The following GPM6A variants were observed in gnomAD, a reference collection of about 807,000 sequenced individuals.
GPM6A encodes the protein neuronal membrane glycoprotein M6-a.
GPM6A carries 7 observed loss-of-function variants against 32.1 expected under a neutral mutation model. That is an observed-to-expected ratio of 0.22 (90% CI 0.12 to 0.41). GPM6A has a LOEUF of 0.41. GPM6A is among the 10% of genes least tolerant of loss of function. The pLI is 1.00. For missense variants in GPM6A, 235 were observed against 347.2 expected (o/e 0.68, Z 2.57); for synonymous variants, 130 against 123.4 (o/e 1.05, Z -0.35).
At chr4:175,945,843 CAG>C (rs1476764703) in intron 1 of GPM6A, among the ~76,000 whole-genome samples, 4 of 150,744 alleles carry the variant, frequency 2.7e-5, no homozygotes, top group Non-Finnish European at 5.9e-5. Context: ...ACGTACAACT[CAG>C]TAATACGGGT....
chr4:175,895,341 A>C (rs1737764250), intron 1 of GPM6A, among the ~76,000 whole-genome samples: 1 of 152,160 alleles, frequency 6.6e-6, no homozygotes, highest in Non-Finnish European at 1.5e-5. Flanking sequence ...TCTCAGAATA[A>C]ATTTAGGTTA....
chr4:175,894,002 T>C (rs1737721962), intron 1 of GPM6A, among the ~76,000 whole-genome samples: 1 of 152,082 alleles, frequency 6.6e-6, no homozygotes, highest in South Asian at 2.1e-4. Flanking sequence ...TGGTCAAAAA[T>C]CCAATCCTTA....
At chr4:175,895,851 T>G (rs185870958) in intron 1 of GPM6A, among the ~76,000 whole-genome samples, 6 of 152,344 alleles carry the variant, frequency 3.9e-5, no homozygotes, top group South Asian at 2.1e-4. Context: ...ACAGCTTTTT[T>G]AGTAACTCTT....
intron 1 of GPM6A, among the ~76,000 whole-genome samples, chr4:175,752,475 C>T (rs1407438863): frequency 6.6e-6 from 1 of 152,106 alleles, no homozygotes; most frequent in Non-Finnish European, 1.5e-5. Context: ...AAACCAGTCA[C>T]ACTTGGTCCC....
chr4:175,940,629 T>C (rs566841444), intron 1 of GPM6A, among the ~76,000 whole-genome samples: 91 of 152,056 alleles, frequency 6.0e-4, no homozygotes, highest in African/African-American at 2.1e-3. Flanking sequence ...CCCCCCGAGA[T>C]GGAGTGTCAC....
At chr4:175,663,694 A>G (rs992325157) in intron 3 of GPM6A, among the ~76,000 whole-genome samples, 1 of 141,392 alleles carries the variant, frequency 7.1e-6, no homozygotes, top group Admixed American at 7.1e-5. Context: ...TAAAATGTAA[A>G]TTTTTTTTTT....
chr4:175,909,052 G>GGGA, intron 1 of GPM6A, among the ~76,000 whole-genome samples: 1 of 78,150 alleles, frequency 1.3e-5, no homozygotes, highest in African/African-American at 4.0e-5. Flanking sequence ...CGGGGGGGGG[G>GGGA]CAACTAGCTC....
At chr4:175,750,888 T>A (rs1250470645) in intron 1 of GPM6A, among the ~76,000 whole-genome samples, 1 of 152,110 alleles carries the variant, frequency 6.6e-6, no homozygotes, top group Non-Finnish European at 1.5e-5. Context: ...TACTACAGCC[T>A]CCTAACTAAA....
chr4:175,760,064 C>CG (rs747025447), intron 1 of GPM6A, among the ~76,000 whole-genome samples: 3 of 151,972 alleles, frequency 2.0e-5, no homozygotes, highest in Non-Finnish European at 4.4e-5. Context: ...CCTGTAATCA[C>CG]GGCTACTCTG....
At chr4:175,787,395 T>C (rs1302846462) in intron 1 of GPM6A, 2 of 1,534,994 alleles carry the variant, frequency 1.3e-6, no homozygotes, top group African/African-American at 1.4e-5. Flanking sequence ...TGAACTCTAT[T>C]TTCCCTTGAT....
At chr4:175,776,562 G>T (rs530116508) in intron 1 of GPM6A, among the ~76,000 whole-genome samples, 12 of 152,162 alleles carry the variant, frequency 7.9e-5, no homozygotes, top group Non-Finnish European at 1.6e-4. Flanking sequence ...ATTGATCTTG[G>T]AAGCATGACA....
rs368098690 is a variant in GPM6A, at chr4:175,905,757, G to A, written c.-22-93508C>T. On this transcript the variant is annotated intron_variant, in intron 1 of 7. Transcript: ENST00000280187. ...ATATTAAGGAATCATCTAAAAATAC[G>A]GGTCTTCATATTGTCTAAGAATGCT... is the stretch of plus-strand genomic sequence containing the variant. 4.4e-4 allele frequency among the ~76,000 whole-genome samples: 67 copies of A among 152,010 alleles called. 2 individuals are homozygous for A. In the South Asian group the frequency reaches 0.013, roughly 31 times the overall value.
At chr4:175,766,892 T>C (rs1732992431) in intron 1 of GPM6A, among the ~76,000 whole-genome samples, 1 of 152,122 alleles carries the variant, frequency 6.6e-6, no homozygotes, top group Admixed American at 6.5e-5. Context: ...TGACCTCAGA[T>C]GATCTGCCTG....
intron 1 of GPM6A, among the ~76,000 whole-genome samples, chr4:175,731,145 C>T (rs1464045853): frequency 2.0e-5 from 3 of 152,174 alleles, no homozygotes. Flanking sequence ...TACCACGGCA[C>T]ATCTTAGATT....
intron 1 of GPM6A, among the ~76,000 whole-genome samples, chr4:175,847,444 G>A (rs1381218277): frequency 6.6e-6 from 1 of 152,116 alleles, no homozygotes; most frequent in Admixed American, 6.6e-5. Context: ...ATTCCATTCT[G>A]CCTAGGACGT....
intron 1 of GPM6A, among the ~76,000 whole-genome samples, chr4:175,725,268 T>C (rs4690627): frequency 0.52 from 77,853 of 150,570 alleles, 20,216 homozygotes; most frequent in Admixed American, 0.56. Flanking sequence ...CTATATTGTC[T>C]TTTAATGCAT....
In GPM6A at chr4:175,764,721, T is replaced by C. The variant is rs191118017; in HGVS notation, c.37+47470A>G. Among the ~76,000 whole-genome samples, 4 of 152,112 alleles carry C rather than the reference T, an allele frequency of 2.6e-5. No homozygotes were observed. In the East Asian group the frequency reaches 7.7e-4, roughly 29 times the overall value. On this transcript the variant is annotated intron_variant, in intron 1 of 6. Transcript: ENST00000393658. ...GCCAACTACCTCCTTGACATATTGA[T>C]TGGGATATCTGGTATACATCTCAAA... is the stretch of plus-strand genomic sequence containing the variant.
chr4:175,837,301 C>T (rs776611529), intron 1 of GPM6A, among the ~76,000 whole-genome samples: 7 of 152,088 alleles, frequency 4.6e-5, no homozygotes, highest in Non-Finnish European at 8.8e-5. Flanking sequence ...TTTAGCCCAG[C>T]GAGACTCCTT....
upstream of GPM6A, among the ~76,000 whole-genome samples, chr4:175,817,156 G>A (rs554207427): frequency 2.0e-5 from 3 of 152,244 alleles, no homozygotes; most frequent in East Asian, 3.9e-4. Flanking sequence ...CCGCCCCGCG[G>A]CCAACATTTT....
Sources: allele counts gnomAD v4.1 joint callset (sites outside exome capture counted in the v4.1 genomes callset), GRCh38; gene constraint gnomAD v4.1.1; transcripts MANE v1.5; gene names NCBI Gene and HGNC (gene_info 2026-07-23, HGNC 2026-07-21).